GRAMD1B: variants seen among roughly 807,000 people sequenced by gnomAD.
GRAMD1B encodes GRAM domain containing 1B.
GRAMD1B carries 37 observed loss-of-function variants against 99.7 expected under a neutral mutation model. The observed-to-expected ratio is 0.37, with a 90% confidence interval of 0.29 to 0.49. GRAMD1B has a LOEUF of 0.49. Among genes scored for constraint, GRAMD1B ranks in the 20% least tolerant of loss-of-function variants. The pLI, the probability that GRAMD1B is intolerant of heterozygous loss-of-function variation, is 0.98. For synonymous variants in GRAMD1B, 427 were observed against 387.6 expected, an observed-to-expected ratio of 1.10 and a Z score of -1.19; for missense variants, 888 against 1,009.2, an observed-to-expected ratio of 0.88 and a Z score of 1.63.
intron 1 of GRAMD1B, among the ~76,000 whole-genome samples, chr11:123,378,196 C>T (rs78741855): frequency 0.021 from 3,146 of 152,206 alleles, 119 homozygotes; most frequent in African/African-American, 0.072. Context: ...CTTACCAAGA[C>T]CGTGGAATTA....
At chr11:123,385,263 C>G (rs937871415) in intron 1 of GRAMD1B, among the ~76,000 whole-genome samples, 17 of 152,200 alleles carry the variant, frequency 1.1e-4, no homozygotes, top group African/African-American at 4.1e-4. Flanking sequence ...CTGCAGTTTT[C>G]CTTACTCAGA....
In GRAMD1B at chr11:123,612,789, C is replaced by G; in HGVS notation, c.1948C>G (p.Gln650Glu). The change falls in exon 15 of 20, where the codon CAG (glutamine) becomes GAG (glutamate). Residue 650 changes from glutamine (Q) to glutamate (E), a missense_variant. Around this residue, in one of 5 missense-constraint regions of GRAMD1B, gnomAD observed 92 missense variants for 156.9 expected, o/e 0.59. Transcript: ENST00000635736. ...CTCCACAGAGCTGCGCTATCGAAAA[C>G]AGCCCTGGGGGTTAGTGAAAACGTT... ...RVSTELRYRK[Q>E]PWGLVKTFIE... 6.2e-7 allele frequency: 1 copy of G among 1,610,676 alleles called. No individual in the cohort carries two copies. The highest frequency in any genetic ancestry group is 8.5e-7 in the Non-Finnish European group (1 of 1,177,738).
At chr11:123,401,114 C>G (rs1030394138) in intron 1 of GRAMD1B, among the ~76,000 whole-genome samples, 1 of 152,170 alleles carries the variant, frequency 6.6e-6, no homozygotes, top group Non-Finnish European at 1.5e-5. Context: ...TTTCCACTTT[C>G]TAGATGAAGA....
chr11:123,563,696 T>C (rs1198237270), intron 2 of GRAMD1B, among the ~76,000 whole-genome samples: 1 of 152,092 alleles, frequency 6.6e-6, no homozygotes, highest in Non-Finnish European at 1.5e-5. Context: ...GAACATTTTT[T>C]AATTTTCTTA....
chr11:123,579,317 G>A (rs1260733179), intron 3 of GRAMD1B, among the ~76,000 whole-genome samples: 1 of 152,214 alleles, frequency 6.6e-6, no homozygotes, highest in African/African-American at 2.4e-5. Flanking sequence ...AAGTCTCTCC[G>A]TGCTTTGGGG....
intron 2 of GRAMD1B, among the ~76,000 whole-genome samples, chr11:123,550,278 G>T (rs756172039): frequency 2.0e-5 from 3 of 152,080 alleles, no homozygotes; most frequent in Non-Finnish European, 4.4e-5. Flanking sequence ...ACATGTGGGC[G>T]TGAGGATGGG....
chr11:123,545,290 C>G (rs1290814), intron 2 of GRAMD1B, among the ~76,000 whole-genome samples: 57,561 of 152,104 alleles, frequency 0.38, 12,820 homozygotes, highest in African/African-American at 0.62. Flanking sequence ...CTAGAATCGC[C>G]TTAGGTGCTT....
rs780686154 is a variant in GRAMD1B, at chr11:123,613,519, G to A, written c.2088G>A (p.Glu696=). ...AGATGCACAGACAATCTCCCAAAGA[G>A]AAGGCCAGCAAGACTACAACGGTGC... ...LAEMHRQSPK[E]KASKTTTVRR... is the part of the protein sequence containing the mutation. The change falls in exon 16 of 20, where the codon GAG becomes GAA. Residue 696 remains glutamate, a synonymous_variant. Transcript: ENST00000635736. 1.9e-5 allele frequency: 31 copies of A among 1,613,470 alleles called. No homozygotes were observed. In the South Asian group the frequency reaches 3.2e-4, roughly 17 times the overall value.
At chr11:123,546,975 C>G (rs1041109010) in intron 2 of GRAMD1B, among the ~76,000 whole-genome samples, 1 of 152,198 alleles carries the variant, frequency 6.6e-6, no homozygotes. Flanking sequence ...GATTGAGAGA[C>G]ACAACCTGTC....
intron 2 of GRAMD1B, among the ~76,000 whole-genome samples, chr11:123,522,138 G>T (rs61123830): frequency 6.6e-6 from 1 of 151,782 alleles, no homozygotes; most frequent in Non-Finnish European, 1.5e-5. Flanking sequence ...CCTAGAGGTT[G>T]TGTTAGTGCT....
At chr11:123,563,725 A>G (rs1015011787) in intron 2 of GRAMD1B, among the ~76,000 whole-genome samples, 2 of 152,040 alleles carry the variant, frequency 1.3e-5, no homozygotes, top group Admixed American at 1.3e-4. Flanking sequence ...GTAGAGACCA[A>G]CTCTTACTAT....
At chr11:123,377,259 T>C (rs954356874) in intron 1 of GRAMD1B, among the ~76,000 whole-genome samples, 1 of 152,232 alleles carries the variant, frequency 6.6e-6, no homozygotes, top group Admixed American at 6.5e-5. Context: ...AGATGGTAGC[T>C]GGCATAAAAA....
At chr11:123,375,980 C>T (rs1437390386) in intron 1 of GRAMD1B, among the ~76,000 whole-genome samples, 1 of 151,912 alleles carries the variant, frequency 6.6e-6, no homozygotes, top group Non-Finnish European at 1.5e-5. Flanking sequence ...TGGCCTGCCT[C>T]ATGCAAACAT....
chr11:123,450,040 A>C (rs1949817159), intron 1 of GRAMD1B, among the ~76,000 whole-genome samples: 1 of 152,112 alleles, frequency 6.6e-6, no homozygotes, highest in African/African-American at 2.4e-5. Context: ...TGCCGTTCTA[A>C]AGGTAGTCTC....
At chr11:123,439,325 GT>G (rs1313091933) in intron 1 of GRAMD1B, among the ~76,000 whole-genome samples, 1 of 152,200 alleles carries the variant, frequency 6.6e-6, no homozygotes, top group Non-Finnish European at 1.5e-5. Flanking sequence ...GTGAGGAGAT[GT>G]TGGGCAGTAG....
rs768625200 is a variant in GRAMD1B, at chr11:123,608,502, A to G, written c.1514-157A>G. 6.8e-5 allele frequency: 105 copies of G among 1,537,156 alleles called. 1 individual carries two copies. The highest frequency in any genetic ancestry group is 8.5e-5 in the Non-Finnish European group (97 of 1,145,358). ...GAGACCGAAAGCAAAGTCATAAACC[A>G]TGCCCACGAGCTCAGCTGTCCTGCT... On this transcript the variant is annotated intron_variant, in intron 11 of 19. Coordinates refer to ENST00000635736, the MANE Select transcript of GRAMD1B (RefSeq NM_001387025.1).
At chr11:123,520,975 T>C (rs745615234) in intron 2 of GRAMD1B, among the ~76,000 whole-genome samples, 59 of 152,202 alleles carry the variant, frequency 3.9e-4, no homozygotes, top group Admixed American at 8.5e-4. Context: ...ACGAGGCATG[T>C]ATCCTTTCTG....
At chr11:123,593,795 C>T (rs1210641261) in intron 4 of GRAMD1B, among the ~76,000 whole-genome samples, 1 of 152,090 alleles carries the variant, frequency 6.6e-6, no homozygotes, top group Non-Finnish European at 1.5e-5. Context: ...GGAGGTGTCC[C>T]TCCTTCCTTT....
At chr11:123,493,439 A>T (rs1356574181) in intron 2 of GRAMD1B, among the ~76,000 whole-genome samples, 1 of 152,168 alleles carries the variant, frequency 6.6e-6, no homozygotes, top group African/African-American at 2.4e-5. Context: ...TTGCAAACTT[A>T]TTAAGGGAAG....
Sources: allele counts gnomAD v4.1 joint callset (sites outside exome capture counted in the v4.1 genomes callset), GRCh38; gene constraint gnomAD v4.1.1; regional missense constraint gnomAD v4.1.1; transcripts MANE v1.5; gene names NCBI Gene and HGNC (gene_info 2026-07-23, HGNC 2026-07-21).